The following PADI1 variants were observed in gnomAD, a reference collection of about 807,000 sequenced individuals.
PADI1 encodes peptidyl arginine deiminase 1, also known as protein-arginine deiminase type-1.
A neutral mutation model predicts 74.8 loss-of-function variants in PADI1; 65 were observed. The ratio of observed to expected loss-of-function variants is 0.87; its 90% CI spans 0.71 to 1.07. The LOEUF (loss-of-function observed/expected upper bound fraction) is 1.07. Ranked by LOEUF, PADI1 falls within the 50% of genes least tolerant of loss-of-function variation. The pLI, the probability that PADI1 is intolerant of heterozygous loss-of-function variation, is 0.00. For synonymous variants in PADI1, 371 were observed against 336.2 expected, an observed-to-expected ratio of 1.10 and a Z score of -1.13; for missense variants, 943 against 854.0, an observed-to-expected ratio of 1.10 and a Z score of -1.30.
At position 17,239,742 on chromosome 1, in the gene PADI1, CT is replaced by C. The variant is rs2072732710; in HGVS notation, c.1592del (p.Leu531ArgfsTer24). The C allele has an allele frequency of 6.2e-7, 1 of 1,613,900 alleles. No individual in the cohort carries two copies. The highest frequency in any genetic ancestry group is 1.3e-5 in the African/African-American group (1 of 74,948). On this transcript the variant is annotated frameshift_variant, in exon 14 of 16. Transcript: ENST00000375471. LOFTEE classifies it high-confidence loss of function. Reference protein sequence around the residue: ...HQAKRSINEMLADRHLQRDNL... With the variant: ...HQAKRSINEMXADRHLQRDNL... The stretch of plus-strand genomic sequence containing the variant: ...GGCAAAAAGAAGCATTAATGAGATG[CT>C]GGCAGACAGACACCTCCAGAGAGAC...
chr1:17,224,305 CTTTAGGGGTGTGAAGAT>C, intron 3 of PADI1, 45 bp from the exon 4 acceptor site: 1 of 1,471,120 alleles, frequency 6.8e-7, no homozygotes, highest in Non-Finnish European at 9.5e-7. Flanking sequence ...CCAACCTGGA[CTTTAGGGGTGTGAAGAT>C]GGGGCTGGAT....
Position 17,238,680 on chromosome 1 carries a change from A to C in PADI1, c.1523A>C (p.Glu508Ala), listed in dbSNP as rs758451456. ...AAACTCTTCCAAGAGAAGAAAGAAG[A>C]GGGTTATGGGGAGGCAGCCCAGTTT... Reference protein sequence around the residue: ...CLKLFQEKKEEGYGEAAQFDG... With the variant: ...CLKLFQEKKEAGYGEAAQFDG... The change falls in exon 13 of 16, where the codon GAG becomes GCG. Residue 508 changes from glutamate (E) to alanine (A), a missense_variant. Coordinates refer to ENST00000375471, the MANE Select transcript of PADI1 (RefSeq NM_013358.3). The C allele has an allele frequency of 5.8e-6, 9 of 1,549,826 alleles. No homozygotes were observed. In the South Asian group the frequency reaches 1.1e-4, roughly 19 times the overall value.
At chr1:17,234,531 T>C (rs2072581431) in intron 11 of PADI1, among the ~76,000 whole-genome samples, 1 of 152,234 alleles carries the variant, frequency 6.6e-6, no homozygotes, top group African/African-American at 2.4e-5. Flanking sequence ...CCATAGTGCT[T>C]TCCCCAGGCT....
At chr1:17,236,294 C>G (rs2072639395) in intron 11 of PADI1, among the ~76,000 whole-genome samples, 2 of 152,302 alleles carry the variant, frequency 1.3e-5, no homozygotes, top group African/African-American at 2.4e-5. Context: ...TTTTCTGGGA[C>G]TCAACTCCCT....
chr1:17,206,782 G>A (rs2071697518), intron 1 of PADI1, among the ~76,000 whole-genome samples: 1 of 150,184 alleles, frequency 6.7e-6, no homozygotes, highest in Non-Finnish European at 1.5e-5. Context: ...CACCTCCCGG[G>A]TTCAATTCTC....
Position 17,244,523 on chromosome 1 carries a change from A to C in PADI1, c.*280A>C. ...ATCAACAATGTTAGCATGTTCCAGA[A>C]TGGCTGTGGGAGGCCTAGGGAGATG... On this transcript the variant is annotated 3_prime_UTR_variant, in exon 16 of 16. Transcript: ENST00000375471. 3.8e-6 allele frequency: 2 copies of C among 533,254 alleles called. No homozygotes were observed. Among genetic ancestry groups the C allele is most frequent in the Admixed American group, 2.2e-5 (1 of 44,546 alleles). 33.0% of individuals were successfully genotyped at this position (533,254 alleles called of 1,614,324 possible).
At chr1:17,239,314 G>A (rs930980802) in intron 13 of PADI1, among the ~76,000 whole-genome samples, 2 of 152,120 alleles carry the variant, frequency 1.3e-5, no homozygotes, top group African/African-American at 4.8e-5. Flanking sequence ...TGGTATCAAG[G>A]GTGTGTTCTG....
chr1:17,225,684 AT>A, intron 4 of PADI1, 126 bp from the exon 5 acceptor site: 1 of 713,144 alleles, frequency 1.4e-6, no homozygotes, highest in Non-Finnish European at 2.4e-6. Flanking sequence ...CCTTTTTAAA[AT>A]CTTTAAGCAA....
intron 11 of PADI1, among the ~76,000 whole-genome samples, chr1:17,235,644 C>T (rs1414499242): frequency 6.6e-6 from 1 of 151,288 alleles, no homozygotes; most frequent in African/African-American, 2.4e-5. Flanking sequence ...GGGCAGAGAG[C>T]TCGGAGGATG....
At chr1:17,222,224 A>C (rs1181907846) in intron 1 of PADI1, 66 bp from the exon 2 acceptor site, 6 of 1,241,724 alleles carry the variant, frequency 4.8e-6, no homozygotes, top group Admixed American at 1.9e-5. Context: ...CCCCCACCCC[A>C]CTGTGGCCAC....
At chr1:17,215,201 G>A (rs928112571) in intron 1 of PADI1, among the ~76,000 whole-genome samples, 2 of 152,138 alleles carry the variant, frequency 1.3e-5, no homozygotes, top group Admixed American at 6.5e-5. Flanking sequence ...TTACTCACAG[G>A]GGAGGGAGAC....
Position 17,244,127 on chromosome 1 carries a change from C to T in PADI1, c.1876C>T (p.His626Tyr), listed in dbSNP as rs377088706. 4.6e-5 allele frequency: 75 copies of T among 1,614,030 alleles called. No homozygotes were observed. The highest frequency in any genetic ancestry group is 6.0e-5 in the Non-Finnish European group (71 of 1,179,972). ...GTCCCTGCTGGAGCCTCTGGGCCTG[C>T]ACTGCATCTTCATTGATGACTACTT... ...VQSLLEPLGL[H>Y]CIFIDDYLSY... The change falls in exon 16 of 16, where the codon CAC (histidine) becomes TAC (tyrosine). Residue 626 changes from histidine (H) to tyrosine (Y), a missense_variant. Transcript: ENST00000375471.
chr1:17,245,966 C>T lies in PADI1; in HGVS notation c.*1723C>T, dbSNP rs889082839. 4 of 152,208 alleles carry T rather than the reference C, an allele frequency of 2.6e-5. No homozygotes were observed. The highest frequency in any genetic ancestry group is 9.7e-5 in the African/African-American group (4 of 41,438). The allele number at this position is 152,208 out of a possible 1,614,324, so 9.4% of individuals were successfully genotyped here. A position where few individuals can be genotyped will look rare whatever the true frequency, so the allele number is the denominator to read the frequency against. ...GAGAATGTTCTGGGTGACCAGTCAC[C>T]TACTTTCTGATCAATAAAAATGTCG... On this transcript the variant is annotated 3_prime_UTR_variant, in exon 16 of 16. Transcript: ENST00000375471. This position sits in a 1 kb window ranked among gnomAD's most constrained non-coding sequence, Gnocchi z 4.1.
At chr1:17,222,537 C>T in intron 2 of PADI1, 67 bp downstream of exon 2, 8 of 1,250,778 alleles carry the variant, frequency 6.4e-6, no homozygotes, top group East Asian at 2.3e-5. Context: ...AAGAGCCCCA[C>T]ATTGGCAATT....
At chr1:17,229,457 C>T (rs1265733398) in intron 8 of PADI1, among the ~76,000 whole-genome samples, 3 of 152,198 alleles carry the variant, frequency 2.0e-5, no homozygotes, top group East Asian at 1.9e-4. Context: ...TCTGCAAGCC[C>T]GATCTCACCC....
At chr1:17,238,925 G>A (rs946188586) in intron 13 of PADI1, among the ~76,000 whole-genome samples, 2 of 152,152 alleles carry the variant, frequency 1.3e-5, no homozygotes, top group Non-Finnish European at 2.9e-5. Flanking sequence ...CCCAGGTGCC[G>A]GTCAATGCCA....
intron 1 of PADI1, among the ~76,000 whole-genome samples, chr1:17,217,467 G>A (rs1355851412): frequency 1.3e-5 from 2 of 152,158 alleles, no homozygotes; most frequent in Non-Finnish European, 2.9e-5. Flanking sequence ...GTGTGTTTGT[G>A]GCAATGTACC....
chr1:17,213,579 A>G (rs2071890800), intron 1 of PADI1, among the ~76,000 whole-genome samples: 1 of 152,164 alleles, frequency 6.6e-6, no homozygotes, highest in Non-Finnish European at 1.5e-5. Context: ...TTACTCCTGC[A>G]TTACCGGCCG....
chr1:17,218,748 G>T (rs2072047972), intron 1 of PADI1, among the ~76,000 whole-genome samples: 1 of 152,234 alleles, frequency 6.6e-6, no homozygotes, highest in African/African-American at 2.4e-5. Flanking sequence ...ATTCACGTCT[G>T]TGTGCTGGGT....
Sources: gnomAD v4.1 joint callset for allele counts (sites outside exome capture counted in the v4.1 genomes callset) on GRCh38, gnomAD v4.1.1 for gene constraint, Gnocchi (gnomAD v3.1) non-coding constraint, MANE v1.5 for transcripts, NCBI Gene and HGNC (gene_info 2026-07-23, HGNC 2026-07-21) for gene names.